Variants in KIAA1217 observed in about 807,000 individuals in gnomAD.
KIAA1217 encodes the protein sickle tail protein homolog.
Under a neutral mutation model 163.9 loss-of-function variants are expected in KIAA1217, and 88 were observed. That is an observed-to-expected ratio of 0.54 (90% CI 0.45 to 0.64). The LOEUF is 0.64. Ranked by LOEUF, KIAA1217 falls within the 30% of genes least tolerant of loss-of-function variation. KIAA1217 has a pLI of 0.00. For synonymous variants in KIAA1217, 903 were observed against 923.1 expected, an observed-to-expected ratio of 0.98 and a Z score of 0.39; for missense variants, 2,372 against 2,475.0, an observed-to-expected ratio of 0.96 and a Z score of 0.88.
chr10:24,141,357 CTT>C (rs2064071944), intron 2 of KIAA1217, among the ~76,000 whole-genome samples: 1 of 150,654 alleles, frequency 6.6e-6, no homozygotes, highest in Non-Finnish European at 1.5e-5. Flanking sequence ...GTTTCATTTT[CTT>C]TCTCTCTCTC....
At chr10:23,886,671 G>T (rs1033625068) in intron 1 of KIAA1217, among the ~76,000 whole-genome samples, 1 of 151,956 alleles carries the variant, frequency 6.6e-6, no homozygotes, top group Non-Finnish European at 1.5e-5. Context: ...GTTGATTTTT[G>T]CATGTGTGCA....
chr10:23,885,443 T>C (rs985583378), intron 1 of KIAA1217, among the ~76,000 whole-genome samples: 2 of 151,946 alleles, frequency 1.3e-5, no homozygotes, highest in African/African-American at 4.8e-5. Flanking sequence ...TTGGAATCTC[T>C]AAATGGGGAA....
intron 1 of KIAA1217, among the ~76,000 whole-genome samples, chr10:24,212,430 TGAGAACTGAGAGATCCCCTAAGA>T (rs2068258313): frequency 6.6e-6 from 1 of 152,154 alleles, no homozygotes; most frequent in Admixed American, 6.5e-5. Context: ...GAAGGAAGAC[TGAGAACTGAGAGATCCCCTAAGA>T]TTGAATCTGT....
intron 1 of KIAA1217, among the ~76,000 whole-genome samples, chr10:23,790,433 ATACATATATACATATATACATG>A (rs1835804752): frequency 5.2e-5 from 5 of 95,422 alleles, no homozygotes; most frequent in African/African-American, 2.2e-4. Context: ...ATATATACAT[ATACATATATACATATATACATG>A]TGCATATATA....
chr10:23,883,723 C>T (rs1023684025), intron 1 of KIAA1217, among the ~76,000 whole-genome samples: 3 of 151,930 alleles, frequency 2.0e-5, no homozygotes, highest in Admixed American at 6.6e-5. Context: ...GCCACTATTA[C>T]AGCATCATAC....
intron 2 of KIAA1217, among the ~76,000 whole-genome samples, chr10:24,123,077 A>T (rs1333366872): frequency 6.6e-6 from 1 of 151,214 alleles, no homozygotes; most frequent in East Asian, 1.9e-4. Context: ...ATCATCCTAA[A>T]ATTGCTACAT....
intron 2 of KIAA1217, among the ~76,000 whole-genome samples, chr10:24,237,919 G>A (rs894395191): frequency 4.6e-5 from 7 of 152,202 alleles, no homozygotes; most frequent in South Asian, 4.1e-4. Flanking sequence ...GCAATGCAAC[G>A]CTTACAGAAT....
At position 23,824,052 on chromosome 10, in the gene KIAA1217, A is replaced by G. The variant is rs543362037; in HGVS notation, c.-321+128818A>G. On this transcript the variant is annotated intron_variant, in intron 1 of 18. Coordinates refer to the KIAA1217 transcript ENST00000376462. ...TTTGGAAGGCCAAGGCAGGTGGACA[A>G]CTTGAGCCCAGGAGTTCAACACCAG... is the stretch of plus-strand genomic sequence containing the variant. 3.9e-5 allele frequency among the ~76,000 whole-genome samples: 6 copies of G among 152,152 alleles called. No homozygotes were observed. In the South Asian group the frequency reaches 1.2e-3, roughly 32 times the overall value.
intron 1 of KIAA1217, among the ~76,000 whole-genome samples, chr10:23,710,351 A>G (rs918014177): frequency 6.6e-6 from 1 of 152,216 alleles, no homozygotes; most frequent in Non-Finnish European, 1.5e-5. Context: ...TCTGGCAGGT[A>G]TTATACTCTT....
chr10:23,719,176 T>A (rs1837730163), intron 1 of KIAA1217, among the ~76,000 whole-genome samples: 1 of 152,180 alleles, frequency 6.6e-6, no homozygotes, highest in Non-Finnish European at 1.5e-5. Flanking sequence ...AGTGGATGAA[T>A]GGATAAACAA....
Position 24,542,947 on chromosome 10 carries a change from T to C in KIAA1217, c.3677T>C (p.Ile1226Thr). 6.2e-7 allele frequency: 1 copy of C among 1,613,664 alleles called. No individual in the cohort carries two copies. Among genetic ancestry groups the C allele is most frequent in the Non-Finnish European group, 8.5e-7 (1 of 1,179,706 alleles). ...TGGGAAAGAGGAATGGAGAATAGTA[T>C]TTCTGATGCATCAAGAACATCAGAA... ...PKWERGMENS[I>T]SDASRTSEYK... The change falls in exon 19 of 21, where the codon ATT becomes ACT. Residue 1226 changes from isoleucine (I) to threonine (T), a missense_variant. Transcript: ENST00000376454.
chr10:23,992,607 CT>C (rs368335847), intron 1 of KIAA1217, among the ~76,000 whole-genome samples: 48,978 of 127,828 alleles, frequency 0.38, 8,233 homozygotes, highest in African/African-American at 0.44. Flanking sequence ...GCCATCATTT[CT>C]TTTTTTTTTT....
intron 2 of KIAA1217, among the ~76,000 whole-genome samples, chr10:24,084,598 G>A (rs1347740709): frequency 6.6e-6 from 1 of 152,160 alleles, no homozygotes; most frequent in Non-Finnish European, 1.5e-5. Context: ...TTAGAGACTG[G>A]CAAGGGAAAT....
intron 3 of KIAA1217, among the ~76,000 whole-genome samples, chr10:24,429,621 C>T (rs941846630): frequency 6.6e-6 from 1 of 152,126 alleles, no homozygotes; most frequent in Admixed American, 6.6e-5. Flanking sequence ...ATCTTATCCT[C>T]CAAATGCTCC....
At chr10:23,907,184 C>G (rs1842196248) in intron 1 of KIAA1217, among the ~76,000 whole-genome samples, 1 of 152,058 alleles carries the variant, frequency 6.6e-6, no homozygotes, top group African/African-American at 2.4e-5. Context: ...TAGGCTGCAT[C>G]TTTTCACCCT....
intron 2 of KIAA1217, among the ~76,000 whole-genome samples, chr10:24,302,946 G>T (rs559053936): frequency 6.6e-6 from 1 of 152,296 alleles, no homozygotes; most frequent in South Asian, 2.1e-4. Flanking sequence ...CAAGGTCAAG[G>T]TCATGTAGGG....
rs916062203 is a variant in KIAA1217 at position 23,995,308 on chromosome 10, T to A, written c.-320-11917T>A. Among the ~76,000 whole-genome samples the A allele has an allele frequency of 3.9e-5, 6 of 152,120 alleles. No homozygotes were observed. The South Asian group carries it at 6.2e-4, about 16-fold the overall frequency. ...GCAAAAAGCTAATCAAATTGGTAAA[T>A]GGGAAAAAGAAACACAATAGAATCC... is the stretch of plus-strand genomic sequence containing the variant. On this transcript the variant is annotated intron_variant, in intron 1 of 18. Coordinates refer to the KIAA1217 transcript ENST00000376462.
chr10:24,192,112 A>C (rs1564810379), intron 2 of KIAA1217, among the ~76,000 whole-genome samples: 1 of 152,258 alleles, frequency 6.6e-6, no homozygotes, highest in Non-Finnish European at 1.5e-5. Flanking sequence ...AGCCTTTGGA[A>C]AGGAAGATCC....
chr10:23,866,579 T>C (rs946275174), intron 1 of KIAA1217, among the ~76,000 whole-genome samples: 1 of 151,956 alleles, frequency 6.6e-6, no homozygotes, highest in African/African-American at 2.4e-5. Context: ...CCCAGGCTTA[T>C]CTCCCCCTCC....
Sources: gnomAD v4.1 joint callset for allele counts (sites outside exome capture counted in the v4.1 genomes callset) on GRCh38, gnomAD v4.1.1 for gene constraint, MANE v1.5 for transcripts, NCBI Gene and HGNC (gene_info 2026-07-23, HGNC 2026-07-21) for gene names.